Variants in SH3GL2 observed in about 807,000 individuals in gnomAD.
SH3GL2 encodes SH3 domain containing GRB2 like 2, endophilin A1, also known as endophilin-A1.
SH3GL2 carries 24 observed loss-of-function variants against 46.0 expected under a neutral mutation model. The observed-to-expected ratio is 0.52, with a 90% CI of 0.38 to 0.73. The LOEUF is 0.73. Ranked by LOEUF, SH3GL2 falls within the 30% of genes least tolerant of loss-of-function variation. The probability of loss-of-function intolerance (pLI) is 0.00; values close to 1 mark genes in which losing one functional copy is unlikely to be tolerated. For missense variants in SH3GL2, 413 were observed against 424.2 expected (o/e 0.97, Z 0.23); for synonymous variants, 196 against 147.1 (o/e 1.33, Z -2.40).
chr9:17,638,249 C>G (rs375072695), intron 1 of SH3GL2, among the ~76,000 whole-genome samples: 22 of 152,100 alleles, frequency 1.4e-4, no homozygotes, highest in African/African-American at 5.1e-4. Flanking sequence ...TTTATCATTT[C>G]TCATTTTCAA....
intron 1 of SH3GL2, among the ~76,000 whole-genome samples, chr9:17,732,715 A>G (rs1822217176): frequency 1.3e-5 from 2 of 152,154 alleles, no homozygotes; most frequent in Non-Finnish European, 2.9e-5. Flanking sequence ...TTATGGATTT[A>G]TTATTGAAGG....
At chr9:17,710,298 A>T (rs2118264027) in intron 1 of SH3GL2, among the ~76,000 whole-genome samples, 1 of 152,094 alleles carries the variant, frequency 6.6e-6, no homozygotes, top group Non-Finnish European at 1.5e-5. Flanking sequence ...AGGCCTCCCC[A>T]GCCCTGCAGA....
At chr9:17,737,499 A>T (rs1822375005) in intron 1 of SH3GL2, among the ~76,000 whole-genome samples, 1 of 152,060 alleles carries the variant, frequency 6.6e-6, no homozygotes, top group African/African-American at 2.4e-5. Context: ...AACCTACATC[A>T]CATATACGCA....
chr9:17,786,369 C>A lies in SH3GL2; in HGVS notation c.188-12C>A. 6.2e-7 allele frequency: 1 copy of A among 1,603,206 alleles called. No individual in the cohort carries two copies. The highest frequency in any genetic ancestry group is 2.2e-5 in the East Asian group (1 of 44,750). On this transcript the variant is annotated splice_polypyrimidine_tract_variant and intron_variant, in intron 3 of 8. Transcript: ENST00000380607. ...TGCCTACTCTGAAAGCTTGTTCTCTCTTCACCTTCAGCTTCCAGAGCTAAG... is the reference window on the plus strand; with the variant it reads ...TGCCTACTCTGAAAGCTTGTTCTCTATTCACCTTCAGCTTCCAGAGCTAAG...
intron 2 of SH3GL2, among the ~76,000 whole-genome samples, chr9:17,747,557 A>G (rs1822727855): frequency 6.6e-6 from 1 of 152,208 alleles, no homozygotes; most frequent in African/African-American, 2.4e-5. Flanking sequence ...GCAGCCATGT[A>G]TAGTGGAGAG....
At chr9:17,674,977 G>A (rs1820571534) in intron 1 of SH3GL2, among the ~76,000 whole-genome samples, 1 of 152,162 alleles carries the variant, frequency 6.6e-6, no homozygotes, top group Non-Finnish European at 1.5e-5. Flanking sequence ...GATAGGAGGA[G>A]CCACCAGGTT....
Position 17,761,512 on chromosome 9 carries a change from A to G in SH3GL2, c.187+3A>G. The G allele has an allele frequency of 6.5e-7, 1 of 1,545,536 alleles. No individual in the cohort carries two copies. The highest frequency in any genetic ancestry group is 1.1e-5 in the South Asian group (1 of 89,720). The stretch of plus-strand genomic sequence containing the variant: ...TGAATACCTTCAACCCAATCCAGGT[A>G]AGGCATCATCTTATATGTTTAAAGG... On this transcript the variant is annotated splice_donor_region_variant and intron_variant, in intron 3 of 8. Transcript: ENST00000380607.
chr9:17,684,198 G>C (rs1820845373), intron 1 of SH3GL2, among the ~76,000 whole-genome samples: 1 of 152,072 alleles, frequency 6.6e-6, no homozygotes, highest in African/African-American at 2.4e-5. Flanking sequence ...GGAAAAGTGG[G>C]TAATATGCAT....
At chr9:17,749,842 A>G (rs531166238) in intron 2 of SH3GL2, among the ~76,000 whole-genome samples, 1 of 152,342 alleles carries the variant, frequency 6.6e-6, no homozygotes, top group South Asian at 2.1e-4. Context: ...TGAGTATGAA[A>G]GTAAGGTATA....
intron 3 of SH3GL2, among the ~76,000 whole-genome samples, chr9:17,782,961 A>G (rs550595237): frequency 3.9e-5 from 6 of 152,196 alleles, no homozygotes; most frequent in Admixed American, 2.0e-4. Context: ...ATTTTTGTCC[A>G]TGGAAACACG....
intron 1 of SH3GL2, among the ~76,000 whole-genome samples, chr9:17,695,141 C>T (rs532675911): frequency 1.3e-5 from 2 of 152,138 alleles, no homozygotes; most frequent in Non-Finnish European, 2.9e-5. Flanking sequence ...CCATTCTGTC[C>T]CCTGGCTGCT....
intron 1 of SH3GL2, among the ~76,000 whole-genome samples, chr9:17,606,084 GGTTTGTTT>G (rs4007673): frequency 6.9e-6 from 1 of 145,418 alleles, no homozygotes; most frequent in East Asian, 2.0e-4. Context: ...ACTTGCGTGA[GGTTTGTTT>G]GTTTGTTTGT....
intron 1 of SH3GL2, among the ~76,000 whole-genome samples, chr9:17,638,029 C>T (rs1359487672): frequency 1.3e-5 from 2 of 151,910 alleles, no homozygotes; most frequent in East Asian, 3.9e-4. Flanking sequence ...TGGTGGCAGG[C>T]GCCTGTAGTC....
chr9:17,635,033 G>C (rs1022882860), intron 1 of SH3GL2, among the ~76,000 whole-genome samples: 3 of 152,126 alleles, frequency 2.0e-5, no homozygotes, highest in African/African-American at 7.2e-5. Context: ...GGTTTGTTAT[G>C]TAGGTAAATG....
chr9:17,680,566 T>G (rs1820741124), intron 1 of SH3GL2, among the ~76,000 whole-genome samples: 1 of 152,032 alleles, frequency 6.6e-6, no homozygotes, highest in African/African-American at 2.4e-5. Context: ...TTTGTTGATC[T>G]TTTCAAAAAA....
intron 1 of SH3GL2, among the ~76,000 whole-genome samples, chr9:17,636,286 G>C (rs1045602613): frequency 5.9e-5 from 9 of 151,560 alleles, no homozygotes; most frequent in Admixed American, 1.3e-4. Context: ...GCATGGGAAT[G>C]TTAGGTAAAG....
At chr9:17,770,071 G>C (rs1396038539) in intron 3 of SH3GL2, among the ~76,000 whole-genome samples, 3 of 152,204 alleles carry the variant, frequency 2.0e-5, no homozygotes, top group Admixed American at 2.0e-4. Flanking sequence ...TTTCAGGTAA[G>C]TGTCGTGGTC....
chr9:17,616,552 G>A (rs368719632), intron 1 of SH3GL2, among the ~76,000 whole-genome samples: 3 of 152,140 alleles, frequency 2.0e-5, no homozygotes, highest in African/African-American at 4.8e-5. Flanking sequence ...GAGATCTGGG[G>A]GTCTGAGAGT....
intron 1 of SH3GL2, among the ~76,000 whole-genome samples, chr9:17,694,289 C>T (rs764452188): frequency 9.2e-5 from 14 of 152,218 alleles, no homozygotes; most frequent in Middle Eastern, 3.4e-3. Context: ...GAAGCAAGCA[C>T]ATCTTCACAA....
Sources: allele counts gnomAD v4.1 joint callset (sites outside exome capture counted in the v4.1 genomes callset), GRCh38; gene constraint gnomAD v4.1.1; transcripts MANE v1.5; gene names NCBI Gene and HGNC (gene_info 2026-07-23, HGNC 2026-07-21).